SLC22A16: variants seen among roughly 807,000 people sequenced by gnomAD.
SLC22A16 encodes solute carrier family 22 member 16.
Under a neutral mutation model 52.9 loss-of-function variants are expected in SLC22A16, and 53 were observed. That is an observed-to-expected ratio of 1.00 (90% CI 0.80 to 1.26). SLC22A16 has a LOEUF of 1.26. Among genes scored for constraint, SLC22A16 ranks in the 50% most tolerant of loss-of-function variants. The probability of loss-of-function intolerance (pLI) is 0.00; values close to 1 mark genes in which losing one functional copy is unlikely to be tolerated. For synonymous variants in SLC22A16, 291 were observed against 268.8 expected, an observed-to-expected ratio of 1.08 and a Z score of -0.81; for missense variants, 726 against 704.0, an observed-to-expected ratio of 1.03 and a Z score of -0.35.
At chr6:110,427,532 T>G (rs141379592) in intron 7 of SLC22A16, among the ~76,000 whole-genome samples, 1 of 152,312 alleles carries the variant, frequency 6.6e-6, no homozygotes, top group East Asian at 1.9e-4. Flanking sequence ...ATGTAAGCTC[T>G]CATTACTGCA....
At chr6:110,475,941 T>G (rs540624763) in intron 1 of SLC22A16, 20 of 456,430 alleles carry the variant, frequency 4.4e-5, no homozygotes, top group Non-Finnish European at 8.8e-5. Context: ...TTTGAACACC[T>G]CCTTTGCAGG....
intron 1 of SLC22A16, among the ~76,000 whole-genome samples, chr6:110,459,550 A>T (rs1400291050): frequency 6.6e-6 from 1 of 152,238 alleles, no homozygotes; most frequent in African/African-American, 2.4e-5. Flanking sequence ...TGCTACAGAC[A>T]ATTAAATGCA....
At chr6:110,454,242 C>G (rs1406773609) in intron 2 of SLC22A16, among the ~76,000 whole-genome samples, 1 of 152,086 alleles carries the variant, frequency 6.6e-6, no homozygotes, top group Non-Finnish European at 1.5e-5. Flanking sequence ...AAAAAGTGGT[C>G]AGGGACTTGC....
chr6:110,476,591 G>T lies in SLC22A16; in HGVS notation c.-17C>A. ...GGACCCCATGGTGCGGCCGTGCACT[G>T]GGCGCCGAGTTAGCCGAGCTCCGGG... On this transcript the variant is annotated 5_prime_UTR_variant, in exon 1 of 8. Coordinates refer to ENST00000368919, the MANE Select transcript of SLC22A16 (RefSeq NM_033125.4). 2 of 1,524,384 alleles carry T rather than the reference G, an allele frequency of 1.3e-6. No individual in the cohort carries two copies. Among genetic ancestry groups the T allele is most frequent in the Non-Finnish European group, 1.8e-6 (2 of 1,137,684 alleles). The allele number at this position is 1,524,384 out of a possible 1,614,324, so 94.4% of individuals were successfully genotyped here.
At chr6:110,457,164 G>A in intron 1 of SLC22A16, 147 bp from the exon 2 acceptor site, 1 of 796,746 alleles carries the variant, frequency 1.3e-6, no homozygotes, top group Non-Finnish European at 1.9e-6. Context: ...TTATATCTGT[G>A]GGTTAGTATA....
rs1289749806 is a variant in SLC22A16, at chr6:110,438,741, ACC to A, written c.1288_1289del (p.Gly430CysfsTer37). The A allele has an allele frequency of 6.2e-7, 1 of 1,613,404 alleles. No homozygotes were observed. The highest frequency in any genetic ancestry group is 2.2e-5 in the East Asian group (1 of 44,858). On this transcript the variant is annotated frameshift_variant, in exon 5 of 8. Coordinates refer to ENST00000368919, the MANE Select transcript of SLC22A16 (RefSeq NM_033125.4). LOFTEE classifies it high-confidence loss of function. Reference protein sequence around the residue: ...YSLFCSALACGVVMVIPQKHY... With the variant: ...YSLFCSALACXVVMVIPQKHY... ...TCACCTGGGGGATCACCATAACGACACCACAGGCCAGTGCACTGCAGAAAAGA... is the reference window on the plus strand; with the variant it reads ...TCACCTGGGGGATCACCATAACGACAACAGGCCAGTGCACTGCAGAAAAGA...
intron 5 of SLC22A16, among the ~76,000 whole-genome samples, chr6:110,437,275 A>C (rs113601955): frequency 3.9e-5 from 6 of 152,306 alleles, no homozygotes; most frequent in African/African-American, 1.4e-4. Flanking sequence ...TATTTCTAGA[A>C]ATCTCCATCA....
intron 1 of SLC22A16, 168 bp downstream of exon 1, chr6:110,476,354 C>A: frequency 7.2e-7 from 1 of 1,381,250 alleles, no homozygotes; most frequent in Non-Finnish European, 9.3e-7. Flanking sequence ...GAGGAGAAGC[C>A]CAGCTAGGGG....
intron 1 of SLC22A16, among the ~76,000 whole-genome samples, chr6:110,465,943 A>G (rs1229418631): frequency 1.3e-5 from 2 of 152,186 alleles, no homozygotes; most frequent in African/African-American, 4.8e-5. Context: ...ATCGACACAC[A>G]AGCCAATGGA....
intron 2 of SLC22A16, among the ~76,000 whole-genome samples, chr6:110,451,568 C>G (rs1031979473): frequency 6.6e-6 from 1 of 152,188 alleles, no homozygotes; most frequent in African/African-American, 2.4e-5. Context: ...ATTTTCTTTT[C>G]TATGAAGTGA....
intron 2 of SLC22A16, among the ~76,000 whole-genome samples, chr6:110,449,479 G>C (rs1182437317): frequency 6.6e-6 from 1 of 151,990 alleles, no homozygotes; most frequent in East Asian, 1.9e-4. Context: ...GTTGTAATTG[G>C]TATTAACTTT....
chr6:110,427,110 T>G (rs1160745777), intron 7 of SLC22A16, among the ~76,000 whole-genome samples: 1 of 138,776 alleles, frequency 7.2e-6, no homozygotes, highest in East Asian at 2.2e-4. Flanking sequence ...TAGCCAGGTG[T>G]GGGGGCACAT....
At position 110,456,581 on chromosome 6, in the gene SLC22A16, C is replaced by T; in HGVS notation, c.490G>A (p.Gly164Arg). ...AAAGTCACCGATCCCAGTAGGACTC[C>T]AAACATAAATAGGGGCTGGATCAGC... ...AMLIQPLFMF[G>R]VLLGSVTFGY... The change falls in exon 2 of 8, where the codon GGA becomes AGA. Residue 164 changes from glycine to arginine, a missense_variant. Gly to Arg is a moderately radical substitution (Grantham distance 125). Transcript: ENST00000368919. 6.2e-7 allele frequency: 1 copy of T among 1,614,158 alleles called. No homozygotes were observed. Among genetic ancestry groups the T allele is most frequent in the Non-Finnish European group, 8.5e-7 (1 of 1,180,018 alleles).
chr6:110,424,761 A>G lies in SLC22A16; in HGVS notation c.*112T>C. The G allele has an allele frequency of 8.0e-7, 1 of 1,244,866 alleles. No individual in the cohort carries two copies. The highest frequency in any genetic ancestry group is 1.1e-6 in the Non-Finnish European group (1 of 908,836). 77.1% of individuals were successfully genotyped at this position (1,244,866 alleles called of 1,614,324 possible). A position where few individuals can be genotyped will look rare whatever the true frequency, so the allele number is the denominator to read the frequency against. Reference sequence around the variant, plus strand: ...ATTTGCTTTAAAATTTTCTTACAAAATTTATTAAAAAGACATACAAACAAC... The same window carrying G: ...ATTTGCTTTAAAATTTTCTTACAAAGTTTATTAAAAAGACATACAAACAAC... On this transcript the variant is annotated 3_prime_UTR_variant, in exon 8 of 8. Coordinates refer to ENST00000368919, the MANE Select transcript of SLC22A16 (RefSeq NM_033125.4).
At chr6:110,452,922 T>C (rs1254900494) in intron 2 of SLC22A16, among the ~76,000 whole-genome samples, 1 of 152,202 alleles carries the variant, frequency 6.6e-6, no homozygotes, top group African/African-American at 2.4e-5. Context: ...TAAGTAGATT[T>C]CAGAACTTTT....
chr6:110,453,576 A>C, intron 2 of SLC22A16: 1 of 454,940 alleles, frequency 2.2e-6, no homozygotes, highest in Admixed American at 2.4e-5. Context: ...AGGTCCTCTA[A>C]TCCCCAAGTC....
intron 5 of SLC22A16, 76 bp from the exon 6 acceptor site, chr6:110,436,037 C>T (rs1438552702): frequency 1.1e-6 from 1 of 936,214 alleles, no homozygotes; most frequent in Non-Finnish European, 1.7e-6. Flanking sequence ...AAAATCATTA[C>T]TTAAAACATT....
At chr6:110,454,631 TA>T (rs1775523623) in intron 2 of SLC22A16, among the ~76,000 whole-genome samples, 10 of 51,138 alleles carry the variant, frequency 2.0e-4, no homozygotes, top group Non-Finnish European at 2.8e-4. Context: ...AATATATATT[TA>T]TATATATTAT....
chr6:110,442,113 G>A lies in SLC22A16; in HGVS notation c.1183+131C>T, dbSNP rs778068785. On this transcript the variant is annotated intron_variant, in intron 4 of 7. Coordinates refer to ENST00000368919, the MANE Select transcript of SLC22A16 (RefSeq NM_033125.4). Reference sequence around the variant, plus strand: ...AGATATCATAATAATATGGTTGGCAGTATTGTTCCTGGTTTTAAAGGGCCT... The same window carrying A: ...AGATATCATAATAATATGGTTGGCAATATTGTTCCTGGTTTTAAAGGGCCT... 4 of 797,582 alleles carry A rather than the reference G, an allele frequency of 5.0e-6. No individual in the cohort carries two copies. The Admixed American group carries it at 8.6e-5, about 17-fold the overall frequency. 49.4% of individuals were successfully genotyped at this position (797,582 alleles called of 1,614,324 possible).
Sources: gnomAD v4.1 joint callset for allele counts (sites outside exome capture counted in the v4.1 genomes callset) on GRCh38, gnomAD v4.1.1 for gene constraint, MANE v1.5 for transcripts, NCBI Gene and HGNC (gene_info 2026-07-23, HGNC 2026-07-21) for gene names.